Variants in CHERP observed in about 807,000 individuals in gnomAD.
CHERP encodes ERPROT 213-21.
A neutral mutation model predicts 113.8 loss-of-function variants in CHERP; 8 were observed. The ratio of observed to expected loss-of-function variants is 0.07; its 90% CI spans 0.04 to 0.13. CHERP has a LOEUF of 0.13. Ranked by LOEUF, CHERP falls within the 10% of genes least tolerant of loss-of-function variation. CHERP has a pLI of 1.00. For synonymous variants in CHERP, 559 were observed against 524.5 expected (o/e 1.07, Z -0.90); for missense variants, 884 against 1,298.2 (o/e 0.68, Z 4.90).
rs370000711 is a variant in CHERP, at chr19:16,520,151, C to T, written c.2460G>A (p.Pro820=). 6.8e-6 allele frequency: 11 copies of T among 1,610,956 alleles called. No homozygotes were observed. Among genetic ancestry groups the T allele is most frequent in the Non-Finnish European group, 8.5e-6 (10 of 1,178,814 alleles). Residue 820 remains proline, a splice_region_variant and synonymous_variant, in exon 15 of 17, where the codon CCG becomes CCA. Transcript: ENST00000546361. The surrounding 1 kb of genome is among the most constrained non-coding windows in gnomAD (Gnocchi z 4.0). ...RRRSRSRSPT[P]PSSAGLGSNS... is the part of the protein sequence containing the mutation. ...CAGCACTTAAGACAGGATCTTACGGCGGGGTGGGGCTCCTGGACCGTGACC... is the reference window on the plus strand; with the variant it reads ...CAGCACTTAAGACAGGATCTTACGGTGGGGTGGGGCTCCTGGACCGTGACC...
chr19:16,521,054 G>A, intron 12 of CHERP, 142 bp from the exon 13 acceptor site: 1 of 721,112 alleles, frequency 1.4e-6, no homozygotes, highest in East Asian at 2.7e-5. Flanking sequence ...GCGCAGTAGA[G>A]CTTGGTTCAG....
chr19:16,535,774 C>G lies in CHERP; in HGVS notation c.200-138G>C, dbSNP rs993880272. 3 of 759,692 alleles carry G rather than the reference C, an allele frequency of 3.9e-6. No individual in the cohort carries two copies. Among genetic ancestry groups the G allele is most frequent in the Admixed American group, 6.3e-5 (2 of 31,784 alleles). The allele number at this position is 759,692 out of a possible 1,614,324, so 47.1% of individuals were successfully genotyped here. A position where few individuals can be genotyped will look rare whatever the true frequency, so the allele number is the denominator to read the frequency against. On this transcript the variant is annotated intron_variant, in intron 2 of 16. Coordinates refer to ENST00000546361, the MANE Select transcript of CHERP (RefSeq NM_006387.6). The surrounding 1 kb of genome is among the most constrained non-coding windows in gnomAD (Gnocchi z 4.3). ...CGAGGGCCTGTTCATAGCCTCATGC[C>G]CACGCAAACCAGCTCCTCCTAGTCT...
intron 5 of CHERP, among the ~76,000 whole-genome samples, chr19:16,531,425 C>CTGTG (rs2085703532): frequency 1.3e-5 from 2 of 152,104 alleles, no homozygotes; most frequent in African/African-American, 2.4e-5. Flanking sequence ...CTCAGGGCTG[C>CTGTG]TGTGCAGTGC....
rs2085591393 is a variant in CHERP at position 16,519,825 on chromosome 19, G to A, written c.2463-110C>T. ...TTGCGTGCATGCTCACTGTCACCAG[G>A]TGACACCGTATGCAGATTTTGCGTC... On this transcript the variant is annotated intron_variant, in intron 15 of 16. Coordinates refer to ENST00000546361, the MANE Select transcript of CHERP (RefSeq NM_006387.6). The surrounding 1 kb of genome is among the most constrained non-coding windows in gnomAD (Gnocchi z 6.0). 2.1e-6 allele frequency: 2 copies of A among 957,562 alleles called. No homozygotes were observed. The highest frequency in any genetic ancestry group is 2.7e-5 in the South Asian group (2 of 75,004). 59.3% of individuals were successfully genotyped at this position (957,562 alleles called of 1,614,324 possible). A position where few individuals can be genotyped will look rare whatever the true frequency, so the allele number is the denominator to read the frequency against.
intron 3 of CHERP, among the ~76,000 whole-genome samples, chr19:16,534,852 G>C (rs2085730450): frequency 6.6e-6 from 1 of 152,128 alleles, no homozygotes; most frequent in Non-Finnish European, 1.5e-5. Flanking sequence ...TGGCCAGGTG[G>C]ATCACCTGAG....
At chr19:16,534,723 C>T (rs778740147) in intron 3 of CHERP, among the ~76,000 whole-genome samples, 1 of 152,150 alleles carries the variant, frequency 6.6e-6, no homozygotes, top group Non-Finnish European at 1.5e-5. Flanking sequence ...ATCTGCCCAT[C>T]TCAGCCTCCC....
At chr19:16,521,750 T>A in intron 11 of CHERP, 96 bp from the exon 12 acceptor site, 1 of 1,241,760 alleles carries the variant, frequency 8.1e-7, no homozygotes, top group Non-Finnish European at 1.1e-6. Flanking sequence ...AGGGCCCAGG[T>A]TCAGTGTCAA....
Position 16,532,747 on chromosome 19 carries a change from G to C in CHERP, c.525C>G (p.Ala175=). ...IDTCTKDAIS[A]GKNWMFSNAK... is the part of the protein sequence containing the mutation. Reference sequence around the variant, plus strand: ...CATTGCTGAACATCCAGTTCTTCCCGGCCTGCAACAACCGAGCCAATGACG... The same window carrying C: ...CATTGCTGAACATCCAGTTCTTCCCCGCCTGCAACAACCGAGCCAATGACG... The change falls in exon 5 of 17, where the codon GCC becomes GCG. Residue 175 remains alanine (A), a splice_region_variant and synonymous_variant. Transcript: ENST00000546361. The surrounding 1 kb of genome is among the most constrained non-coding windows in gnomAD (Gnocchi z 4.4). The C allele has an allele frequency of 6.2e-7, 1 of 1,605,746 alleles. No homozygotes were observed. Among genetic ancestry groups the C allele is most frequent in the South Asian group, 1.1e-5 (1 of 90,506 alleles).
chr19:16,523,262 G>A lies in CHERP; in HGVS notation c.1770C>T (p.Gly590=), dbSNP rs762992720. The change falls in exon 11 of 17, where the codon GGC becomes GGT. Residue 590 remains glycine, a synonymous_variant. Coordinates refer to ENST00000546361, the MANE Select transcript of CHERP (RefSeq NM_006387.6). The surrounding 1 kb of genome is among the most constrained non-coding windows in gnomAD (Gnocchi z 4.0). ...TGATGCCAGGATGAGGCATGCGGTGGCCAGGGTGGTGGTGAGGGGGCCCCA... is the reference window on the plus strand; with the variant it reads ...TGATGCCAGGATGAGGCATGCGGTGACCAGGGTGGTGGTGAGGGGGCCCCA... ...AEMGPPHHHP[G]HRMPHPGINE... 3 of 1,602,780 alleles carry A rather than the reference G, an allele frequency of 1.9e-6. No homozygotes were observed. The highest frequency in any genetic ancestry group is 1.1e-5 in the South Asian group (1 of 90,292).
chr19:16,527,644 C>T (rs891397844), intron 9 of CHERP, among the ~76,000 whole-genome samples: 5 of 152,240 alleles, frequency 3.3e-5, no homozygotes, highest in Admixed American at 2.6e-4. Flanking sequence ...AGCAAAGCTG[C>T]ATCTGAGGCC....
At chr19:16,529,581 C>A in intron 8 of CHERP, 67 bp downstream of exon 8, 1 of 1,503,670 alleles carries the variant, frequency 6.7e-7, no homozygotes, top group South Asian at 1.2e-5. Flanking sequence ...TGCTTTCTGA[C>A]TACACTCGGT....
In CHERP at chr19:16,532,546, TGAGGAGGAGCGC is replaced by T. The variant is rs2085713635; in HGVS notation, c.674+40_674+51del. 1 of 1,518,124 alleles carries T rather than the reference TGAGGAGGAGCGC, an allele frequency of 6.6e-7. No homozygotes were observed. The highest frequency in any genetic ancestry group is 1.4e-5 in the African/African-American group (1 of 73,248). The allele number at this position is 1,518,124 out of a possible 1,614,324, so 94.0% of individuals were successfully genotyped here. On this transcript the variant is annotated intron_variant, in intron 5 of 16. Coordinates refer to ENST00000546361, the MANE Select transcript of CHERP (RefSeq NM_006387.6). This position sits in a 1 kb window ranked among gnomAD's most constrained non-coding sequence, Gnocchi z 4.4. ...GGAGCAAGCGGCCACCCAGGAGGGT[TGAGGAGGAGCGC>T]GAGGAAGTGGCGCTCTGGGCACGGG... is the stretch of plus-strand genomic sequence containing the variant.
chr19:16,538,548 T>C (rs1426673584), intron 2 of CHERP, among the ~76,000 whole-genome samples: 3 of 152,164 alleles, frequency 2.0e-5, no homozygotes, highest in African/African-American at 7.2e-5. Flanking sequence ...CTGGGTGTGG[T>C]GGCGCACGCC....
In CHERP at chr19:16,520,152, G is replaced by C; in HGVS notation, c.2459C>G (p.Pro820Arg). 6.2e-7 allele frequency: 1 copy of C among 1,611,956 alleles called. No individual in the cohort carries two copies. Among genetic ancestry groups the C allele is most frequent in the Non-Finnish European group, 8.5e-7 (1 of 1,179,414 alleles). Residue 820 changes from proline to arginine, a missense_variant, in exon 15 of 17, where the codon CCG becomes CGG. Pro to Arg is a moderately radical substitution (Grantham distance 103). Around this residue, in one of 8 missense-constraint regions of CHERP, gnomAD observed 159 missense variants for 185.8 expected, o/e 0.86. Transcript: ENST00000546361. This position sits in a 1 kb window ranked among gnomAD's most constrained non-coding sequence, Gnocchi z 4.0. ...RRRSRSRSPT[P>R]PSSAGLGSNS... is the part of the protein sequence containing the mutation. ...AGCACTTAAGACAGGATCTTACGGC[G>C]GGGTGGGGCTCCTGGACCGTGACCG...
intron 10 of CHERP, among the ~76,000 whole-genome samples, chr19:16,524,769 GTTTTT>G (rs925806394): frequency 7.0e-6 from 1 of 142,110 alleles, no homozygotes; most frequent in Admixed American, 7.1e-5. Flanking sequence ...GTAGTTTTTT[GTTTTT>G]TTTTTTTGAG....
At chr19:16,528,278 T>C (rs1464518557) in intron 8 of CHERP, 23 bp from the exon 9 acceptor site, 1 of 1,550,804 alleles carries the variant, frequency 6.4e-7, no homozygotes, top group Non-Finnish European at 8.7e-7. Flanking sequence ...GACAGGCAGT[T>C]AGAGCAGGCC....
At position 16,518,756 on chromosome 19, in the gene CHERP, G is replaced by A. The variant is rs996349439; in HGVS notation, c.*403C>T. On this transcript the variant is annotated 3_prime_UTR_variant, in exon 17 of 17. Coordinates refer to ENST00000546361, the MANE Select transcript of CHERP (RefSeq NM_006387.6). Reference sequence around the variant, plus strand: ...AGCTGGAGGAAGGAGCTGGGGTGCCGGCTCTGGCTCAGGCCAACCCTTCCT... The same window carrying A: ...AGCTGGAGGAAGGAGCTGGGGTGCCAGCTCTGGCTCAGGCCAACCCTTCCT... The A allele has an allele frequency of 2.3e-5, 5 of 219,172 alleles. No homozygotes were observed. Among genetic ancestry groups the A allele is most frequent in the Admixed American group, 1.1e-4 (2 of 17,536 alleles). 13.6% of individuals were successfully genotyped at this position (219,172 alleles called of 1,614,324 possible).
At chr19:16,526,633 ATTT>A (rs759279037) in intron 9 of CHERP, among the ~76,000 whole-genome samples, 58 of 151,952 alleles carry the variant, frequency 3.8e-4, no homozygotes, top group Non-Finnish European at 7.8e-4. Context: ...ATGCCCGGCT[ATTT>A]TTTTATCTTT....
chr19:16,532,570 G>A lies in CHERP; in HGVS notation c.674+28C>T, dbSNP rs751936604. ...TTGAGGAGGAGCGCGAGGAAGTGGCGCTCTGGGCACGGGGTGGCGGCGCTC... is the reference window on the plus strand; with the variant it reads ...TTGAGGAGGAGCGCGAGGAAGTGGCACTCTGGGCACGGGGTGGCGGCGCTC... On this transcript the variant is annotated intron_variant, in intron 5 of 16. Transcript: ENST00000546361. The surrounding 1 kb of genome is among the most constrained non-coding windows in gnomAD (Gnocchi z 4.4). The A allele has an allele frequency of 1.0e-5, 16 of 1,567,078 alleles. No individual in the cohort carries two copies. The African/African-American group carries it at 1.1e-4, about 11-fold the overall frequency.
Sources: allele counts gnomAD v4.1 joint callset (sites outside exome capture counted in the v4.1 genomes callset), GRCh38; gene constraint gnomAD v4.1.1; regional missense constraint gnomAD v4.1.1; non-coding constraint Gnocchi (gnomAD v3.1); transcripts MANE v1.5; gene names NCBI Gene and HGNC (gene_info 2026-07-23, HGNC 2026-07-21).